Variants in MAGI2 observed in about 807,000 individuals in gnomAD.
MAGI2 encodes the protein membrane associated guanylate kinase, WW and PDZ domain containing 2.
A neutral mutation model predicts 133.3 loss-of-function variants in MAGI2; 35 were observed. The ratio of observed to expected loss-of-function variants is 0.26; its 90% CI spans 0.20 to 0.35. MAGI2 has a LOEUF of 0.35. Ranked by LOEUF, MAGI2 falls within the 10% of genes least tolerant of loss-of-function variation. The pLI, the probability that MAGI2 is intolerant of heterozygous loss-of-function variation, is 1.00. For missense variants in MAGI2, 1,636 were observed against 1,863.4 expected (o/e 0.88, Z 2.25); for synonymous variants, 729 against 710.6 (o/e 1.03, Z -0.41).
At chr7:78,440,183 C>A (rs7783735) in intron 6 of MAGI2, among the ~76,000 whole-genome samples, 136,298 of 151,940 alleles carry the variant, frequency 0.9, 62,192 homozygotes, top group East Asian at 0.98. Flanking sequence ...ATTCATACCT[C>A]GATAAAGCTA....
chr7:78,754,764 T>A (rs1823789089), intron 2 of MAGI2, among the ~76,000 whole-genome samples: 1 of 152,214 alleles, frequency 6.6e-6, no homozygotes, highest in Admixed American at 6.5e-5. Flanking sequence ...CTAAAATGGA[T>A]CAAAACAGCT....
intron 2 of MAGI2, chr7:78,940,008 G>A (rs1800844324): frequency 6.6e-6 from 1 of 152,114 alleles, no homozygotes; most frequent in Non-Finnish European, 1.5e-5. Context: ...GAGACTCTAT[G>A]TCTTCTTTGA....
chr7:78,988,791 G>T (rs1010231540), intron 2 of MAGI2, among the ~76,000 whole-genome samples: 2 of 151,982 alleles, frequency 1.3e-5, no homozygotes, highest in Non-Finnish European at 2.9e-5. Context: ...CTTTTGAGGA[G>T]GATGACTATT....
chr7:78,456,416 C>A (rs1789326443), intron 6 of MAGI2, among the ~76,000 whole-genome samples: 4 of 152,098 alleles, frequency 2.6e-5, no homozygotes, highest in African/African-American at 4.8e-5. Context: ...TGGCATTTTT[C>A]AGGGACTTTT....
At chr7:78,310,015 C>T (rs1798567201) in intron 9 of MAGI2, among the ~76,000 whole-genome samples, 1 of 152,146 alleles carries the variant, frequency 6.6e-6, no homozygotes, top group African/African-American at 2.4e-5. Context: ...TTTGTGGCAG[C>T]ATTTGTATAA....
intron 1 of MAGI2, chr7:79,030,358 A>G (rs1232831727): frequency 6.6e-6 from 1 of 152,178 alleles, no homozygotes; most frequent in Admixed American, 6.5e-5. Flanking sequence ...ACAAACAAAC[A>G]ATTTTGCCAA....
chr7:79,330,396 C>T (rs1839990366), intron 1 of MAGI2, among the ~76,000 whole-genome samples: 1 of 151,558 alleles, frequency 6.6e-6, no homozygotes, highest in South Asian at 2.1e-4. Context: ...GAGATTTCAT[C>T]GTTTTAGCCA....
intron 2 of MAGI2, among the ~76,000 whole-genome samples, chr7:78,723,122 A>G (rs946483968): frequency 9.2e-5 from 14 of 152,196 alleles, no homozygotes; most frequent in Admixed American, 5.2e-4. Context: ...CCATACTTAG[A>G]AACGCATGAT....
At chr7:78,805,018 A>G (rs1292341043) in intron 2 of MAGI2, among the ~76,000 whole-genome samples, 1 of 151,830 alleles carries the variant, frequency 6.6e-6, no homozygotes, top group East Asian at 1.9e-4. Context: ...CAGCGAGCCA[A>G]GATCACATCA....
At chr7:79,406,616 C>A (rs536579227) in intron 1 of MAGI2, among the ~76,000 whole-genome samples, 1 of 152,136 alleles carries the variant, frequency 6.6e-6, no homozygotes, top group Non-Finnish European at 1.5e-5. Context: ...TAATGAGTTC[C>A]TGTAAAAAGG....
chr7:78,892,119 C>T (rs1228935989), intron 2 of MAGI2, among the ~76,000 whole-genome samples: 2 of 152,176 alleles, frequency 1.3e-5, no homozygotes, highest in African/African-American at 2.4e-5. Flanking sequence ...TGAGTGAACT[C>T]CCATTCACAA....
At chr7:78,192,096 CT>C (rs1828268785) in intron 12 of MAGI2, among the ~76,000 whole-genome samples, 2 of 152,092 alleles carry the variant, frequency 1.3e-5, no homozygotes, top group East Asian at 3.9e-4. Flanking sequence ...GCAAAAATCT[CT>C]TTAGCTTTAG....
At chr7:79,307,600 T>A (rs1167359934) in intron 1 of MAGI2, among the ~76,000 whole-genome samples, 3 of 151,832 alleles carry the variant, frequency 2.0e-5, no homozygotes, top group Admixed American at 1.3e-4. Flanking sequence ...TTTCTTCACC[T>A]TTTTTGTCAG....
intron 6 of MAGI2, among the ~76,000 whole-genome samples, chr7:78,470,622 GA>G (rs775488084): frequency 6.7e-4 from 102 of 152,032 alleles, no homozygotes; most frequent in Non-Finnish European, 1.3e-3. Context: ...AAAACAACAT[GA>G]ATTTTCCACT....
At chr7:79,294,105 G>T (rs1343498574) in intron 1 of MAGI2, among the ~76,000 whole-genome samples, 1 of 150,552 alleles carries the variant, frequency 6.6e-6, no homozygotes, top group East Asian at 2.0e-4. Flanking sequence ...TTGAACACAG[G>T]AGGCAAAGGG....
At chr7:79,234,308 G>A (rs1193006627) in intron 1 of MAGI2, among the ~76,000 whole-genome samples, 10 of 150,378 alleles carry the variant, frequency 6.6e-5, no homozygotes, top group East Asian at 2.0e-4. Context: ...TCTTTGTGGC[G>A]TTCTCTGTAT....
chr7:79,115,372 TATGCCTTA>T (rs1819301643), intron 1 of MAGI2, among the ~76,000 whole-genome samples: 1 of 152,238 alleles, frequency 6.6e-6, no homozygotes, highest in Non-Finnish European at 1.5e-5. Context: ...TATTTTTATA[TATGCCTTA>T]ATTATTGTCT....
At chr7:79,443,256 T>G (rs544338617) in intron 1 of MAGI2, among the ~76,000 whole-genome samples, 6 of 145,736 alleles carry the variant, frequency 4.1e-5, no homozygotes, top group Admixed American at 2.8e-4. Flanking sequence ...TGAACCTTAG[T>G]GTTTGAAGTG....
At chr7:78,703,820 A>C (rs1818321022) in intron 2 of MAGI2, among the ~76,000 whole-genome samples, 1 of 83,996 alleles carries the variant, frequency 1.2e-5, no homozygotes, top group East Asian at 6.2e-4. Context: ...ATACACACAC[A>C]CATACACACA....
Sources: allele counts gnomAD v4.1 joint callset (sites outside exome capture counted in the v4.1 genomes callset), GRCh38; gene constraint gnomAD v4.1.1; transcripts MANE v1.5; gene names NCBI Gene and HGNC (gene_info 2026-07-23, HGNC 2026-07-21).